The following MGMT variants were observed in gnomAD, a reference collection of about 807,000 sequenced individuals.
MGMT encodes O-6-methylguanine-DNA methyltransferase, also known as methylated-DNA--protein-cysteine methyltransferase.
A neutral mutation model predicts 15.9 loss-of-function variants in MGMT; 14 were observed. That is an observed-to-expected ratio of 0.88 (90% CI 0.58 to 1.37). The LOEUF (loss-of-function observed/expected upper bound fraction) is 1.37. MGMT is among the 40% of genes most tolerant of loss of function. The pLI, the probability that MGMT is intolerant of heterozygous loss-of-function variation, is 0.00. For missense variants in MGMT, 282 were observed against 268.1 expected (o/e 1.05, Z -0.36); for synonymous variants, 130 against 118.2 (o/e 1.10, Z -0.65).
intron 2 of MGMT, among the ~76,000 whole-genome samples, chr10:129,693,324 C>T: frequency 6.6e-6 from 1 of 152,182 alleles, no homozygotes. Flanking sequence ...TATTAATTTG[C>T]AATTGAAAGG....
intron 1 of MGMT, among the ~76,000 whole-genome samples, chr10:129,468,608 G>A (rs1845197104): frequency 6.6e-6 from 1 of 152,056 alleles, no homozygotes; most frequent in African/African-American, 2.4e-5. Context: ...ATCTGGGCCA[G>A]GCACAGTGGG....
chr10:129,590,766 T>C (rs1251460893), intron 2 of MGMT, among the ~76,000 whole-genome samples: 1 of 152,244 alleles, frequency 6.6e-6, no homozygotes, highest in African/African-American at 2.4e-5. Context: ...ACTGGCACTT[T>C]AAATGCTGTG....
chr10:129,553,572 C>CT (rs1335816100), intron 2 of MGMT, among the ~76,000 whole-genome samples: 1 of 152,178 alleles, frequency 6.6e-6, no homozygotes, highest in African/African-American at 2.4e-5. Context: ...TCAGCAAACG[C>CT]TGATGGAGCT....
intron 3 of MGMT, among the ~76,000 whole-genome samples, chr10:129,750,168 T>A (rs1414469868): frequency 6.6e-6 from 1 of 152,156 alleles, no homozygotes; most frequent in African/African-American, 2.4e-5. Context: ...ATGTTGTATC[T>A]AAAAACTCTT....
intron 1 of MGMT, among the ~76,000 whole-genome samples, chr10:129,514,253 A>G (rs1055059624): frequency 6.6e-6 from 1 of 152,230 alleles, no homozygotes. Flanking sequence ...AATTATATCA[A>G]TCAATTATTT....
chr10:129,573,345 TCCTTCACCCA>T (rs766680276), intron 2 of MGMT, among the ~76,000 whole-genome samples: 2 of 152,184 alleles, frequency 1.3e-5, no homozygotes, highest in Non-Finnish European at 2.9e-5. Flanking sequence ...ATTGTACAGA[TCCTTCACCCA>T]GGATCTCCCA....
At chr10:129,643,948 G>A (rs60449101) in intron 2 of MGMT, among the ~76,000 whole-genome samples, 1,777 of 151,842 alleles carry the variant, frequency 0.012, 44 homozygotes, top group African/African-American at 0.042. Flanking sequence ...TCTTTCCATC[G>A]GCATTTTAAG....
chr10:129,680,675 C>T (rs1338460403), intron 2 of MGMT, among the ~76,000 whole-genome samples: 2 of 152,328 alleles, frequency 1.3e-5, no homozygotes, highest in Non-Finnish European at 2.9e-5. Context: ...CCGCCTTCTC[C>T]GCCTCCCGCT....
intron 2 of MGMT, among the ~76,000 whole-genome samples, chr10:129,543,938 T>G (rs1846071922): frequency 6.6e-6 from 1 of 152,224 alleles, no homozygotes; most frequent in Admixed American, 6.5e-5. Context: ...TTCCAACATT[T>G]GGAGTAAAAG....
At chr10:129,730,409 T>C (rs990732708) in intron 3 of MGMT, among the ~76,000 whole-genome samples, 2 of 152,146 alleles carry the variant, frequency 1.3e-5, no homozygotes, top group African/African-American at 4.8e-5. Flanking sequence ...TTGTGCCCTG[T>C]GAGTCTGGGA....
At chr10:129,472,353 AATAC>A (rs1341688202) in intron 1 of MGMT, among the ~76,000 whole-genome samples, 5 of 152,170 alleles carry the variant, frequency 3.3e-5, no homozygotes, top group Admixed American at 1.3e-4. Context: ...CGAGACAGTA[AATAC>A]ATATTTTTTT....
At chr10:129,719,946 T>C (rs2133153480) in intron 3 of MGMT, among the ~76,000 whole-genome samples, 1 of 152,302 alleles carries the variant, frequency 6.6e-6, no homozygotes, top group Admixed American at 6.5e-5. Flanking sequence ...ATCCCAGTGG[T>C]AGTTAGCAAG....
intron 2 of MGMT, among the ~76,000 whole-genome samples, chr10:129,637,624 C>T (rs1170456190): frequency 2.0e-5 from 3 of 152,176 alleles, no homozygotes; most frequent in South Asian, 2.1e-4. Context: ...GCCCTCAGTA[C>T]GTCGGAGCGT....
At chr10:129,690,505 A>T (rs551393194) in intron 2 of MGMT, among the ~76,000 whole-genome samples, 3 of 152,202 alleles carry the variant, frequency 2.0e-5, no homozygotes, top group Non-Finnish European at 2.9e-5. Context: ...TACCTGTGGA[A>T]ACCACAGGAC....
intron 3 of MGMT, among the ~76,000 whole-genome samples, chr10:129,717,116 T>A (rs1401051821): frequency 6.6e-6 from 1 of 152,164 alleles, no homozygotes; most frequent in Non-Finnish European, 1.5e-5. Context: ...AATTTTTATA[T>A]GGTTATGAGT....
intron 2 of MGMT, among the ~76,000 whole-genome samples, chr10:129,542,273 C>T (rs1359134302): frequency 6.6e-6 from 1 of 152,120 alleles, no homozygotes; most frequent in Non-Finnish European, 1.5e-5. Context: ...GTGCACCTGC[C>T]GAGTCTGTGC....
chr10:129,622,572 T>A (rs1847102401), intron 2 of MGMT, among the ~76,000 whole-genome samples: 1 of 152,248 alleles, frequency 6.6e-6, no homozygotes, highest in African/African-American at 2.4e-5. Flanking sequence ...TATGGTTAAC[T>A]ATCAGCAGAC....
intron 2 of MGMT, among the ~76,000 whole-genome samples, chr10:129,557,951 C>T (rs1405977850): frequency 6.6e-6 from 1 of 152,154 alleles, no homozygotes; most frequent in Non-Finnish European, 1.5e-5. Flanking sequence ...AATGAAGGGC[C>T]TCTTGCAGTG....
intron 2 of MGMT, among the ~76,000 whole-genome samples, chr10:129,608,647 A>G (rs959730495): frequency 3.9e-5 from 6 of 152,358 alleles, no homozygotes; most frequent in South Asian, 2.1e-4. Flanking sequence ...TTTTCTATTT[A>G]ATAGTCTATT....
Sources: allele counts gnomAD v4.1 joint callset (sites outside exome capture counted in the v4.1 genomes callset), GRCh38; gene constraint gnomAD v4.1.1; transcripts MANE v1.5; gene names NCBI Gene and HGNC (gene_info 2026-07-23, HGNC 2026-07-21).